Variants in KIF21A observed in about 807,000 individuals in gnomAD.
KIF21A encodes kinesin-like protein KIF21A.
A neutral mutation model predicts 202.9 loss-of-function variants in KIF21A; 114 were observed. The observed-to-expected ratio is 0.56, with a 90% CI of 0.48 to 0.66. The LOEUF (loss-of-function observed/expected upper bound fraction) is 0.66, where lower values mean the gene tolerates loss of function less well. Ranked by LOEUF, KIF21A falls within the 30% of genes least tolerant of loss-of-function variation. KIF21A has a pLI of 0.00. For missense variants in KIF21A, 1,677 were observed against 1,994.9 expected, an observed-to-expected ratio of 0.84 and a Z score of 3.04; for synonymous variants, 667 against 670.8, an observed-to-expected ratio of 0.99 and a Z score of 0.09.
At chr12:39,316,236 T>C (rs1944525099) in intron 29 of KIF21A, among the ~76,000 whole-genome samples, 1 of 152,156 alleles carries the variant, frequency 6.6e-6, no homozygotes, top group Admixed American at 6.5e-5. Context: ...TCCTCACTTC[T>C]AAAATTTAGG....
chr12:39,308,387 C>CAA (rs751997520), intron 33 of KIF21A, among the ~76,000 whole-genome samples: 7 of 123,182 alleles, frequency 5.7e-5, no homozygotes, highest in Admixed American at 8.5e-5. Flanking sequence ...GACTCCGTCT[C>CAA]AAAAAAAAAA....
chr12:39,357,946 A>AAAAAAAAAAAAAAAG (rs1948916106), intron 8 of KIF21A, among the ~76,000 whole-genome samples: 1 of 133,062 alleles, frequency 7.5e-6, no homozygotes, highest in Non-Finnish European at 1.6e-5. Flanking sequence ...AAAAAAAAAA[A>AAAAAAAAAAAAAAAG]AAAAAAAAAA....
In KIF21A at chr12:39,302,974, G is replaced by T. The variant is rs191093660; in HGVS notation, c.4722C>A (p.Asp1574Glu). 131 of 1,613,838 alleles carry T rather than the reference G, an allele frequency of 8.1e-5. 1 individual carries two copies. The East Asian group carries it at 2.9e-3, about 36-fold the overall frequency. The change falls in exon 36 of 38, where the codon GAC (aspartate) becomes GAA (glutamate). Residue 1574 changes from aspartate to glutamate, a missense_variant. Physicochemically the swap from Asp to Glu is conservative, Grantham distance 45. Coordinates refer to ENST00000361418, the MANE Select transcript of KIF21A (RefSeq NM_001173464.2). ...GIKKWDLTQK[D>E]LLQQVPNAHK... The stretch of plus-strand genomic sequence containing the variant: ...AAAGGTTCTGCATTACCTGAAGAAG[G>T]TCTTTTTGAGTTAAGTCCCATTTCT...
chr12:39,320,968 A>G (rs1442156293), intron 27 of KIF21A, among the ~76,000 whole-genome samples: 3 of 148,344 alleles, frequency 2.0e-5, no homozygotes, highest in African/African-American at 7.4e-5. Flanking sequence ...AAGTCTGGGA[A>G]AAAAAAAACA....
At chr12:39,433,811 C>T (rs1470849025) in intron 1 of KIF21A, among the ~76,000 whole-genome samples, 1 of 151,906 alleles carries the variant, frequency 6.6e-6, no homozygotes, top group Non-Finnish European at 1.5e-5. Flanking sequence ...ATATTGAAAG[C>T]AAAAGAAAAC....
intron 24 of KIF21A, among the ~76,000 whole-genome samples, chr12:39,329,545 TA>T (rs753606246): frequency 6.9e-5 from 10 of 143,982 alleles, no homozygotes; most frequent in Non-Finnish European, 4.6e-5. Context: ...TAAAGTACAA[TA>T]AAAAAAAGAA....
intron 1 of KIF21A, among the ~76,000 whole-genome samples, chr12:39,400,303 C>T (rs1188134385): frequency 6.6e-6 from 1 of 152,050 alleles, no homozygotes; most frequent in Non-Finnish European, 1.5e-5. Context: ...TTTTACATTC[C>T]GGGGTACATG....
intron 16 of KIF21A, among the ~76,000 whole-genome samples, chr12:39,338,530 AC>A (rs1233616043): frequency 6.6e-6 from 1 of 152,248 alleles, no homozygotes; most frequent in African/African-American, 2.4e-5. Flanking sequence ...CTAGGACTTC[AC>A]GTTCATTCAC....
intron 1 of KIF21A, among the ~76,000 whole-genome samples, chr12:39,404,916 C>T (rs561417563): frequency 8.5e-4 from 129 of 151,768 alleles, no homozygotes; most frequent in African/African-American, 3.0e-3. Context: ...TGAACTAATA[C>T]AAATTTCAAA....
At chr12:39,433,925 C>A (rs879761352) in intron 1 of KIF21A, among the ~76,000 whole-genome samples, 9 of 152,106 alleles carry the variant, frequency 5.9e-5, no homozygotes, top group Non-Finnish European at 1.2e-4. Flanking sequence ...AGAACAGATA[C>A]CAGATACAGA....
chr12:39,394,214 C>T (rs544581561), intron 1 of KIF21A, among the ~76,000 whole-genome samples: 1 of 152,334 alleles, frequency 6.6e-6, no homozygotes, highest in East Asian at 1.9e-4. Context: ...GCATGCAATA[C>T]ATAGGTCATC....
intron 1 of KIF21A, among the ~76,000 whole-genome samples, chr12:39,403,590 G>C (rs1361564840): frequency 6.6e-6 from 1 of 152,082 alleles, no homozygotes; most frequent in Middle Eastern, 3.2e-3. Context: ...ACTTTCATTA[G>C]CCTGTTTCCC....
intron 31 of KIF21A, among the ~76,000 whole-genome samples, chr12:39,314,622 C>T (rs2137467522): frequency 6.6e-6 from 1 of 151,866 alleles, no homozygotes; most frequent in South Asian, 2.1e-4. Context: ...AAGAAAAAAG[C>T]TAAACAGTAC....
At chr12:39,393,467 T>C (rs1951517122) in intron 1 of KIF21A, among the ~76,000 whole-genome samples, 1 of 152,190 alleles carries the variant, frequency 6.6e-6, no homozygotes, top group East Asian at 1.9e-4. Context: ...ATATGGGTTG[T>C]CCAGAGACAC....
chr12:39,309,857 T>G (rs181355013), intron 32 of KIF21A, 91 bp from the exon 33 acceptor site: 66 of 1,114,312 alleles, frequency 5.9e-5, no homozygotes, highest in Non-Finnish European at 6.5e-6. Flanking sequence ...TAATTTCTCT[T>G]CTATGGGAAG....
chr12:39,407,696 G>A (rs1288354086), intron 1 of KIF21A, among the ~76,000 whole-genome samples: 1 of 152,070 alleles, frequency 6.6e-6, no homozygotes, highest in Non-Finnish European at 1.5e-5. Context: ...GAAAGTCCTA[G>A]AGAAAATCCC....
intron 9 of KIF21A, 45 bp from the exon 10 acceptor site, chr12:39,356,940 C>A: frequency 1.1e-6 from 1 of 922,282 alleles, no homozygotes; most frequent in Non-Finnish European, 1.7e-6. Flanking sequence ...TAAATTAAGA[C>A]TTCAACAAAA....
chr12:39,322,493 T>G (rs1945384834), intron 27 of KIF21A, 175 bp downstream of exon 27: 1 of 548,708 alleles, frequency 1.8e-6, no homozygotes, highest in South Asian at 2.7e-5. Context: ...CATCTCATCT[T>G]AAATTATTTC....
At chr12:39,326,347 TA>T in intron 24 of KIF21A, 23 bp from the exon 25 acceptor site, 1 of 1,545,436 alleles carries the variant, frequency 6.5e-7, no homozygotes, top group Non-Finnish European at 8.9e-7. Context: ...GTTTAAAATG[TA>T]AGCATTATCC....
Sources: allele counts gnomAD v4.1 joint callset (sites outside exome capture counted in the v4.1 genomes callset), GRCh38; gene constraint gnomAD v4.1.1; transcripts MANE v1.5; gene names NCBI Gene and HGNC (gene_info 2026-07-23, HGNC 2026-07-21).